AOX1: variants seen among roughly 807,000 people sequenced by gnomAD.
AOX1 encodes aldehyde oxidase 1.
A neutral mutation model predicts 169.5 loss-of-function variants in AOX1; 153 were observed. The observed-to-expected ratio is 0.90, with a 90% confidence interval of 0.79 to 1.03. AOX1 has a LOEUF of 1.03. Ranked by LOEUF, AOX1 falls within the 50% of genes least tolerant of loss-of-function variation. The probability of loss-of-function intolerance (pLI) is 0.00; values close to 1 mark genes in which losing one functional copy is unlikely to be tolerated. For synonymous variants in AOX1, 562 were observed against 581.9 expected (o/e 0.97, Z 0.49); for missense variants, 1,656 against 1,663.9 (o/e 1.00, Z 0.08).
chr2:200,603,771 C>T (rs1429655434), intron 7 of AOX1, among the ~76,000 whole-genome samples: 3 of 152,168 alleles, frequency 2.0e-5, no homozygotes, highest in Non-Finnish European at 4.4e-5. Context: ...CTTCTACTGT[C>T]CCCAGACTCC....
chr2:200,595,259 A>G lies in AOX1; in HGVS notation c.104-13A>G. Reference sequence around the variant, plus strand: ...TACATAACACATATGATCTTTAACTATACCTCTTCCAGTTCGACTCACAGG... The same window carrying G: ...TACATAACACATATGATCTTTAACTGTACCTCTTCCAGTTCGACTCACAGG... On this transcript the variant is annotated splice_polypyrimidine_tract_variant and intron_variant, in intron 2 of 34. Transcript: ENST00000374700. 2 of 1,607,208 alleles carry G rather than the reference A, an allele frequency of 1.2e-6. No homozygotes were observed. Among genetic ancestry groups the G allele is most frequent in the Non-Finnish European group, 8.5e-7 (1 of 1,174,754 alleles).
At chr2:200,675,601 G>A (rs2036083736), downstream of AOX1, among the ~76,000 whole-genome samples, 1 of 152,142 alleles carries the variant, frequency 6.6e-6, no homozygotes, top group Non-Finnish European at 1.5e-5. Context: ...AGAAATACTT[G>A]CTCAAATGTC....
At chr2:200,674,431 G>C (rs530859271), downstream of AOX1, among the ~76,000 whole-genome samples, 7 of 150,680 alleles carry the variant, frequency 4.6e-5, no homozygotes, top group South Asian at 2.1e-4. Flanking sequence ...GGGCCTGGGT[G>C]GGGGGGGTGA....
At chr2:200,602,180 C>A (rs767073751) in intron 5 of AOX1, 104 bp from the exon 6 acceptor site, 33 of 850,608 alleles carry the variant, frequency 3.9e-5, no homozygotes, top group Non-Finnish European at 5.4e-5. Flanking sequence ...AAATGTCAAA[C>A]AGATCTTTCC....
downstream of AOX1, among the ~76,000 whole-genome samples, chr2:200,677,892 G>A (rs142571924): frequency 2.7e-3 from 413 of 152,280 alleles, no homozygotes; most frequent in Non-Finnish European, 4.5e-3. Context: ...CTCCACGTGC[G>A]GCTATGAAAA....
At chr2:200,661,721 G>A in intron 30 of AOX1, 90 bp downstream of exon 30, 2 of 955,136 alleles carry the variant, frequency 2.1e-6, no homozygotes, top group Non-Finnish European at 3.3e-6. Context: ...GGCAAACGTT[G>A]ACTTTCTACC....
intron 14 of AOX1, among the ~76,000 whole-genome samples, 197 bp downstream of exon 14, chr2:200,612,990 T>C (rs999073870): frequency 2.1e-5 from 3 of 140,494 alleles, no homozygotes; most frequent in Non-Finnish European, 4.7e-5. Context: ...GTGGGAATTA[T>C]ATACTCTGTG....
intron 26 of AOX1, among the ~76,000 whole-genome samples, chr2:200,654,622 A>G (rs1206731689): frequency 2.0e-5 from 3 of 152,196 alleles, no homozygotes; most frequent in Non-Finnish European, 2.9e-5. Context: ...ATGCCTTACT[A>G]TGGCACTTGG....
intron 29 of AOX1, among the ~76,000 whole-genome samples, chr2:200,661,245 A>G (rs1337688346): frequency 6.6e-6 from 1 of 152,230 alleles, no homozygotes; most frequent in Non-Finnish European, 1.5e-5. Context: ...TAAGCAGCCA[A>G]CCAAGCATTG....
intron 20 of AOX1, among the ~76,000 whole-genome samples, chr2:200,628,977 T>G (rs1487082140): frequency 6.6e-6 from 1 of 152,066 alleles, no homozygotes; most frequent in Non-Finnish European, 1.5e-5. Context: ...ATCTTCTTAA[T>G]TTTTCTCACC....
intron 28 of AOX1, among the ~76,000 whole-genome samples, chr2:200,659,777 T>TTC (rs112152232): frequency 1.3e-3 from 134 of 99,300 alleles, no homozygotes; most frequent in Non-Finnish European, 1.5e-3. Context: ...ACAAGGCCAG[T>TTC]TCTCTCTCTC....
At chr2:200,657,165 A>AATATATATATATATATAT (rs1553578034) in intron 27 of AOX1, among the ~76,000 whole-genome samples, 5 of 88,362 alleles carry the variant, frequency 5.7e-5, no homozygotes, top group South Asian at 4.0e-4. Flanking sequence ...CTCTACCAAA[A>AATATATATATATATATAT]ATATATATAT....
intron 12 of AOX1, among the ~76,000 whole-genome samples, chr2:200,610,066 A>G (rs1415709378): frequency 7.1e-6 from 1 of 139,924 alleles, no homozygotes; most frequent in Non-Finnish European, 1.5e-5. Context: ...CATTTAAACC[A>G]TAAAACTATC....
At chr2:200,677,508 C>T (rs566985542), downstream of AOX1, among the ~76,000 whole-genome samples, 5 of 152,262 alleles carry the variant, frequency 3.3e-5, no homozygotes, top group South Asian at 2.1e-4. Context: ...CAAACACATA[C>T]GAATTAAGGG....
intron 11 of AOX1, 21 bp from the exon 12 acceptor site, chr2:200,609,300 A>G (rs1180683731): frequency 6.2e-7 from 1 of 1,610,206 alleles, no homozygotes; most frequent in East Asian, 2.2e-5. Flanking sequence ...ATAAATGAAA[A>G]TAACTCATTA....
chr2:200,605,045 T>C (rs559141122), intron 9 of AOX1, among the ~76,000 whole-genome samples: 6 of 152,346 alleles, frequency 3.9e-5, no homozygotes, highest in Middle Eastern at 3.4e-3. Flanking sequence ...TTGCCTCTTA[T>C]TGGAGCAGTG....
intron 12 of AOX1, among the ~76,000 whole-genome samples, chr2:200,609,667 G>T (rs2105706573): frequency 6.6e-6 from 1 of 152,234 alleles, no homozygotes; most frequent in Admixed American, 6.5e-5. Context: ...ACATGTTTGT[G>T]TTGGTTAATG....
intron 31 of AOX1, 62 bp from the exon 32 acceptor site, chr2:200,666,625 C>A: frequency 7.9e-7 from 1 of 1,270,784 alleles, no homozygotes; most frequent in Non-Finnish European, 1.1e-6. Flanking sequence ...AAGTGTTCCT[C>A]AGCTTCTTCT....
intron 16 of AOX1, among the ~76,000 whole-genome samples, chr2:200,619,109 C>G (rs1338874851): frequency 6.7e-6 from 1 of 149,788 alleles, no homozygotes; most frequent in Non-Finnish European, 1.5e-5. Context: ...TAGCTTTTCT[C>G]CCCGCTCAGA....
Sources: gnomAD v4.1 joint callset for allele counts (sites outside exome capture counted in the v4.1 genomes callset) on GRCh38, gnomAD v4.1.1 for gene constraint, MANE v1.5 for transcripts, NCBI Gene and HGNC (gene_info 2026-07-23, HGNC 2026-07-21) for gene names.